NRG1: variants seen among roughly 807,000 people sequenced by gnomAD.
NRG1 encodes pro-neuregulin-1, membrane-bound isoform.
In NRG1, 18 loss-of-function variants were observed where a neutral mutation model predicts 63.8. The observed-to-expected ratio is 0.28, with a 90% confidence interval of 0.19 to 0.42. The LOEUF (loss-of-function observed/expected upper bound fraction) is 0.42, where lower values mean the gene tolerates loss of function less well. Among genes scored for constraint, NRG1 ranks in the 10% least tolerant of loss-of-function variants. NRG1 has a pLI of 1.00. For missense variants in NRG1, 762 were observed against 814.7 expected (o/e 0.94, Z 0.79); for synonymous variants, 302 against 301.3 (o/e 1.00, Z -0.02).
At chr8:31,931,926 A>G (rs1214618614) in intron 1 of NRG1, among the ~76,000 whole-genome samples, 2 of 152,162 alleles carry the variant, frequency 1.3e-5, no homozygotes, top group Non-Finnish European at 2.9e-5. Context: ...CTCTAAAACA[A>G]AGCTGGAAGA....
chr8:31,803,800 A>G (rs1373330138), intron 1 of NRG1, among the ~76,000 whole-genome samples: 1 of 152,218 alleles, frequency 6.6e-6, no homozygotes, highest in Non-Finnish European at 1.5e-5. Flanking sequence ...GCCTTTCTCT[A>G]GAACTTAATC....
intron 1 of NRG1, among the ~76,000 whole-genome samples, chr8:31,951,793 C>A (rs999903135): frequency 1.3e-5 from 2 of 152,134 alleles, no homozygotes; most frequent in African/African-American, 4.8e-5. Flanking sequence ...GTAGAATATA[C>A]TAGATTGAAA....
rs936398100 is a variant in NRG1, at chr8:31,982,166, T to A, written c.37+342735T>A. On this transcript the variant is annotated intron_variant, in intron 1 of 10. Transcript: ENST00000519301. ...GGCTCTGATTAAGATTCTTCCTATA[T>A]CTTTAGAGCTGTTGAAACTCACTGG... Among the ~76,000 whole-genome samples the A allele has an allele frequency of 5.3e-5, 8 of 152,106 alleles. 1 individual carries two copies. The East Asian group carries it at 1.6e-3, about 30-fold the overall frequency.
At chr8:32,070,782 A>G (rs1455515807) in intron 1 of NRG1, among the ~76,000 whole-genome samples, 7 of 152,226 alleles carry the variant, frequency 4.6e-5, no homozygotes, top group Non-Finnish European at 8.8e-5. Flanking sequence ...ATATCAGACC[A>G]TAAGGGCCTC....
rs117753101 is a variant in NRG1 at position 31,806,937 on chromosome 8, G to A, written c.37+167506G>A. Among the ~76,000 whole-genome samples, 585 of 152,276 alleles carry A rather than the reference G, an allele frequency of 3.8e-3. 1 individual carries two copies. Among genetic ancestry groups the A allele is most frequent in the Middle Eastern group, 0.02 (6 of 294 alleles). On this transcript the variant is annotated intron_variant, in intron 1 of 10. Coordinates refer to the NRG1 transcript ENST00000519301. ...AACTTAGTAATTTTTAGAAACTTGA[G>A]TACAAGTGTTGGCAAAGGTTCTATA...
chr8:32,306,947 A>C (rs1435309382), intron 1 of NRG1, among the ~76,000 whole-genome samples: 3 of 152,174 alleles, frequency 2.0e-5, no homozygotes, highest in Non-Finnish European at 4.4e-5. Context: ...AATCCCTAGC[A>C]GGTTTTTAAT....
At chr8:32,438,192 A>G (rs1341262215) in intron 1 of NRG1, among the ~76,000 whole-genome samples, 3 of 152,060 alleles carry the variant, frequency 2.0e-5, no homozygotes, top group Non-Finnish European at 4.4e-5. Context: ...TCCTTTGCCC[A>G]CCCTCACCTT....
At chr8:31,829,017 G>A (rs1824850273) in intron 1 of NRG1, among the ~76,000 whole-genome samples, 1 of 152,202 alleles carries the variant, frequency 6.6e-6, no homozygotes, top group Non-Finnish European at 1.5e-5. Context: ...GGGCCTCTTT[G>A]AAGAGCTTGT....
At position 31,855,993 on chromosome 8, in the gene NRG1, G is replaced by A. The variant is rs1452273672; in HGVS notation, c.37+216562G>A. Among the ~76,000 whole-genome samples the A allele has an allele frequency of 6.3e-3, 944 of 150,280 alleles. 8 individuals carry two copies. The highest frequency in any genetic ancestry group is 0.022 in the African/African-American group (903 of 40,522). Reference sequence around the variant, plus strand: ...CTGCCGAGAGATCTGCTGTTAGTCTGATGGGCTTCCCTTTGAGGGTAACCC... The same window carrying A: ...CTGCCGAGAGATCTGCTGTTAGTCTAATGGGCTTCCCTTTGAGGGTAACCC... On this transcript the variant is annotated intron_variant, in intron 1 of 10. Transcript: ENST00000519301.
chr8:32,616,833 A>G lies in NRG1; in HGVS notation c.452-2A>G, dbSNP rs372336170. The G allele has an allele frequency of 9.4e-6, 15 of 1,600,486 alleles. No homozygotes were observed. Among genetic ancestry groups the G allele is most frequent in the Non-Finnish European group, 1.3e-5 (15 of 1,167,996 alleles). On this transcript the variant is annotated splice_acceptor_variant, in intron 4 of 11. Transcript: ENST00000356819. LOFTEE classifies it high-confidence loss of function. ...GCCTCATTCCACTTTTATGTTTTAT[A>G]GAGTCTCCCATTAGAATATCAGTAT...
intron 1 of NRG1, among the ~76,000 whole-genome samples, chr8:31,872,031 C>T (rs923097161): frequency 9.9e-5 from 15 of 152,078 alleles, no homozygotes; most frequent in African/African-American, 2.9e-4. Context: ...TGATAGATGC[C>T]CTTGGTCTCC....
At chr8:31,718,561 C>T (rs1812592580) in intron 1 of NRG1, among the ~76,000 whole-genome samples, 1 of 152,162 alleles carries the variant, frequency 6.6e-6, no homozygotes, top group African/African-American at 2.4e-5. Flanking sequence ...AGTCTTTGTA[C>T]ACAATTGTTT....
intron 1 of NRG1, among the ~76,000 whole-genome samples, chr8:32,469,298 A>G (rs1823476542): frequency 6.6e-6 from 1 of 152,234 alleles, no homozygotes; most frequent in African/African-American, 2.4e-5. Context: ...ACGCAATGGA[A>G]ACAGAAGTCA....
intron 1 of NRG1, among the ~76,000 whole-genome samples, chr8:32,057,953 A>C (rs1586794787): frequency 6.6e-6 from 1 of 152,130 alleles, no homozygotes; most frequent in Admixed American, 6.6e-5. Context: ...GTCGTTTACA[A>C]TAATCTATTT....
intron 1 of NRG1, among the ~76,000 whole-genome samples, chr8:31,841,695 C>G (rs1285144338): frequency 6.6e-6 from 1 of 152,154 alleles, no homozygotes; most frequent in East Asian, 1.9e-4. Flanking sequence ...CTATTTACCC[C>G]TATAACTTCA....
chr8:32,146,829 G>C (rs1185885114), intron 1 of NRG1, among the ~76,000 whole-genome samples: 1 of 151,708 alleles, frequency 6.6e-6, no homozygotes, highest in Non-Finnish European at 1.5e-5. Flanking sequence ...CGTATTAATT[G>C]GTGTAAGCTC....
At chr8:31,930,132 G>C (rs1005284430) in intron 1 of NRG1, among the ~76,000 whole-genome samples, 5 of 150,596 alleles carry the variant, frequency 3.3e-5, no homozygotes, top group Admixed American at 6.6e-5. Context: ...GGATTCTTTT[G>C]AGTATGATTA....
chr8:31,646,391 A>G (rs1804288767), intron 1 of NRG1, among the ~76,000 whole-genome samples: 1 of 152,234 alleles, frequency 6.6e-6, no homozygotes, highest in South Asian at 2.1e-4. Flanking sequence ...AGCCCAGTGC[A>G]AGGGAACATA....
At chr8:32,596,556 C>T (rs951628076) in intron 2 of NRG1, among the ~76,000 whole-genome samples, 14 of 150,046 alleles carry the variant, frequency 9.3e-5, no homozygotes, top group African/African-American at 2.0e-4. Flanking sequence ...GCCAAGAGCA[C>T]GCCACCGCAC....
Sources: allele counts gnomAD v4.1 joint callset (sites outside exome capture counted in the v4.1 genomes callset), GRCh38; gene constraint gnomAD v4.1.1; transcripts MANE v1.5; gene names NCBI Gene and HGNC (gene_info 2026-07-23, HGNC 2026-07-21).